TCF4: variants seen among roughly 807,000 people sequenced by gnomAD.
TCF4 encodes transcription factor 4, also known as SL3-3 enhancer factor 2.
In TCF4, 3 loss-of-function variants were observed where a neutral mutation model predicts 82.1. That is an observed-to-expected ratio of 0.04 (90% CI 0.02 to 0.09). TCF4 has a LOEUF of 0.09. TCF4 is among the 10% of genes least tolerant of loss of function. TCF4 has a pLI of 1.00. For missense variants in TCF4, 518 were observed against 852.7 expected, an observed-to-expected ratio of 0.61 and a Z score of 4.89; for synonymous variants, 276 against 309.6, an observed-to-expected ratio of 0.89 and a Z score of 1.14.
intron 6 of TCF4, among the ~76,000 whole-genome samples, chr18:55,358,855 G>A (rs1303277181): frequency 6.6e-6 from 1 of 152,128 alleles, no homozygotes; most frequent in African/African-American, 2.4e-5. Context: ...AAAACTCCTT[G>A]CCTGGGAAAT....
intron 3 of TCF4, among the ~76,000 whole-genome samples, chr18:55,486,298 C>G (rs943981829): frequency 6.6e-6 from 1 of 152,106 alleles, no homozygotes; most frequent in African/African-American, 2.4e-5. Context: ...TAAGAAAAGG[C>G]AAGAAGGAAA....
chr18:55,294,064 A>G (rs2065858847), intron 8 of TCF4, among the ~76,000 whole-genome samples: 1 of 148,088 alleles, frequency 6.8e-6, no homozygotes, highest in Admixed American at 6.9e-5. Flanking sequence ...ATTCAAGACC[A>G]GCCTGGCCAA....
chr18:55,556,118 T>G (rs887755139), intron 3 of TCF4, among the ~76,000 whole-genome samples: 1 of 152,226 alleles, frequency 6.6e-6, no homozygotes, highest in Non-Finnish European at 1.5e-5. Context: ...GTATCATTAA[T>G]AGTTAAGTGA....
At chr18:55,429,713 A>T (rs775737783) in intron 5 of TCF4, among the ~76,000 whole-genome samples, 5 of 126,858 alleles carry the variant, frequency 3.9e-5, no homozygotes, top group Non-Finnish European at 7.9e-5. Context: ...ATGAGCCAAG[A>T]TGGCACCACT....
At chr18:55,316,205 G>A (rs148231105) in intron 8 of TCF4, among the ~76,000 whole-genome samples, 137 of 152,144 alleles carry the variant, frequency 9.0e-4, no homozygotes, top group African/African-American at 3.1e-3. Context: ...CATGCATTTA[G>A]GTCAGCTGTG....
At chr18:55,583,339 ATGTGTATG>A (rs559247244) in intron 3 of TCF4, among the ~76,000 whole-genome samples, 115 of 152,002 alleles carry the variant, frequency 7.6e-4, no homozygotes, top group African/African-American at 2.0e-3. Context: ...ATATGTGTGT[ATGTGTATG>A]TGTGTATGTG....
intron 8 of TCF4, chr18:55,321,726 A>G (rs1415797282): frequency 6.5e-7 from 1 of 1,535,984 alleles, no homozygotes; most frequent in Non-Finnish European, 8.7e-7. Context: ...GGGATTGTGT[A>G]TGCGCAGTAC....
chr18:55,391,617 G>C (rs914011892), intron 6 of TCF4, among the ~76,000 whole-genome samples: 2 of 151,952 alleles, frequency 1.3e-5, no homozygotes, highest in African/African-American at 2.4e-5. Context: ...TCACTGACTT[G>C]AATCAACATT....
intron 5 of TCF4, among the ~76,000 whole-genome samples, chr18:55,413,547 C>T (rs996588478): frequency 2.0e-5 from 3 of 152,128 alleles, no homozygotes; most frequent in Non-Finnish European, 4.4e-5. Flanking sequence ...AACCAGCCTG[C>T]AGCACTAGTT....
At chr18:55,508,446 T>C (rs1446584572) in intron 3 of TCF4, among the ~76,000 whole-genome samples, 4 of 152,230 alleles carry the variant, frequency 2.6e-5, no homozygotes, top group African/African-American at 9.6e-5. Context: ...TGCTCCATTA[T>C]ATTTCTCCTC....
At chr18:55,407,651 A>T (rs753182623) in intron 5 of TCF4, among the ~76,000 whole-genome samples, 4 of 40,344 alleles carry the variant, frequency 9.9e-5, no homozygotes, top group South Asian at 5.1e-4. Context: ...CTTCCATATA[A>T]AAAAAAAAAA....
chr18:55,536,862 T>C (rs1176831742), intron 3 of TCF4, among the ~76,000 whole-genome samples: 2 of 152,144 alleles, frequency 1.3e-5, no homozygotes, highest in East Asian at 1.9e-4. Context: ...TGGCCGGGTG[T>C]GGTGGCTCAC....
chr18:55,308,491 G>C (rs1303556479), intron 8 of TCF4, among the ~76,000 whole-genome samples: 1 of 152,106 alleles, frequency 6.6e-6, no homozygotes, highest in Non-Finnish European at 1.5e-5. Flanking sequence ...TCTACCCAAA[G>C]GTCTTGTCTA....
At chr18:55,440,440 C>A (rs1016913758) in intron 5 of TCF4, among the ~76,000 whole-genome samples, 1 of 152,120 alleles carries the variant, frequency 6.6e-6, no homozygotes, top group Admixed American at 6.5e-5. Flanking sequence ...TTCATTCTCC[C>A]CTGGGAAATT....
chr18:55,548,001 C>T (rs368905345), intron 3 of TCF4, among the ~76,000 whole-genome samples: 27 of 152,306 alleles, frequency 1.8e-4, no homozygotes, highest in East Asian at 5.8e-4. Context: ...ATTTCAAGAA[C>T]GCAGCCAGCT....
At chr18:55,455,179 C>CAAAAA (rs35889370) in intron 5 of TCF4, among the ~76,000 whole-genome samples, 496 of 65,550 alleles carry the variant, frequency 7.6e-3, no homozygotes, top group Non-Finnish European at 9.4e-3. Context: ...GACTCTGTCT[C>CAAAAA]AAAAAAAAAA....
intron 3 of TCF4, among the ~76,000 whole-genome samples, chr18:55,525,204 A>G (rs1380526161): frequency 6.6e-6 from 1 of 152,052 alleles, no homozygotes; most frequent in Non-Finnish European, 1.5e-5. Flanking sequence ...TGTTCCAATC[A>G]ATTCTAAATC....
rs1603533840 is a variant in TCF4, at chr18:55,479,766, T to C, written c.146-15629A>G. Among the ~76,000 whole-genome samples, 6 of 152,236 alleles carry C rather than the reference T, an allele frequency of 3.9e-5. No individual in the cohort carries two copies. In the South Asian group the frequency reaches 1.2e-3, roughly 32 times the overall value. ...ACCGGAGGGTAATAACCCTCTGCAG[T>C]GTTAAGCTACTGAAGTTTGGGGATT... On this transcript the variant is annotated intron_variant, in intron 3 of 19. Coordinates refer to ENST00000354452, the MANE Select transcript of TCF4 (RefSeq NM_001083962.2).
chr18:55,274,824 A>G (rs2061134102), intron 10 of TCF4, among the ~76,000 whole-genome samples: 1 of 152,146 alleles, frequency 6.6e-6, no homozygotes, highest in South Asian at 2.1e-4. Flanking sequence ...CTTTAATGAC[A>G]GACTTAAGTT....
Sources: allele counts gnomAD v4.1 joint callset (sites outside exome capture counted in the v4.1 genomes callset), GRCh38; gene constraint gnomAD v4.1.1; transcripts MANE v1.5; gene names NCBI Gene and HGNC (gene_info 2026-07-23, HGNC 2026-07-21).